Variants in CSMD3 observed in about 807,000 individuals in gnomAD.
CSMD3 encodes the protein CUB and sushi domain-containing protein 3.
Under a neutral mutation model 435.2 loss-of-function variants are expected in CSMD3, and 177 were observed. The observed-to-expected ratio is 0.41, with a 90% confidence interval of 0.36 to 0.46. The LOEUF (loss-of-function observed/expected upper bound fraction) is 0.46. Among genes scored for constraint, CSMD3 ranks in the 20% least tolerant of loss-of-function variants. The pLI is 0.34. For synonymous variants in CSMD3, 1,656 were observed against 1,520.5 expected, an observed-to-expected ratio of 1.09 and a Z score of -2.07; for missense variants, 4,265 against 4,504.6, an observed-to-expected ratio of 0.95 and a Z score of 1.52.
At chr8:113,145,377 A>C (rs1256479130) in intron 4 of CSMD3, among the ~76,000 whole-genome samples, 1 of 151,568 alleles carries the variant, frequency 6.6e-6, no homozygotes, top group Non-Finnish European at 1.5e-5. Flanking sequence ...TGCAAGTGTC[A>C]ATCTAAACAC....
intron 4 of CSMD3, among the ~76,000 whole-genome samples, chr8:113,139,525 C>G (rs552381513): frequency 6.6e-6 from 1 of 150,686 alleles, no homozygotes; most frequent in East Asian, 2.0e-4. Context: ...TGCACATAGC[C>G]GTGATAAATT....
At chr8:113,134,452 T>C (rs1218815311) in intron 4 of CSMD3, among the ~76,000 whole-genome samples, 1 of 152,058 alleles carries the variant, frequency 6.6e-6, no homozygotes, top group Non-Finnish European at 1.5e-5. Context: ...TCACACAGTA[T>C]TCACAATCTT....
At chr8:113,436,413 C>T (rs183576289) in intron 1 of CSMD3, among the ~76,000 whole-genome samples, 2 of 152,304 alleles carry the variant, frequency 1.3e-5, no homozygotes, top group East Asian at 3.9e-4. Context: ...TAGTTAGAGG[C>T]TATACTAACC....
chr8:113,376,811 TG>T, intron 1 of CSMD3: 1 of 1,613,876 alleles, frequency 6.2e-7, no homozygotes, highest in Non-Finnish European at 8.5e-7. Flanking sequence ...CGGGTTGTGC[TG>T]AAGAGGTTGT....
intron 30 of CSMD3, among the ~76,000 whole-genome samples, chr8:112,494,571 C>A (rs13272213): frequency 0.18 from 16,731 of 93,520 alleles, 1,573 homozygotes; most frequent in Non-Finnish European, 0.24. Flanking sequence ...TTCTTTCTTT[C>A]TTTTCTTTCT....
Position 113,022,376 on chromosome 8 carries a change from A to G in CSMD3, c.918-3197T>C, listed in dbSNP as rs1021509789. The stretch of plus-strand genomic sequence containing the variant: ...ACATTTATTCAACAGTTATTTACCA[A>G]ACATTAACTATATGACAAATACCAA... On this transcript the variant is annotated intron_variant, in intron 5 of 70. Transcript: ENST00000297405. Among the ~76,000 whole-genome samples, 7 of 152,224 alleles carry G rather than the reference A, an allele frequency of 4.6e-5. 1 individual carries two copies.
At chr8:112,788,470 C>A (rs1200451163) in intron 13 of CSMD3, among the ~76,000 whole-genome samples, 1 of 152,068 alleles carries the variant, frequency 6.6e-6, no homozygotes, top group Non-Finnish European at 1.5e-5. Flanking sequence ...AGGTCTCATT[C>A]AAAGTTCACC....
intron 63 of CSMD3, among the ~76,000 whole-genome samples, chr8:112,251,598 T>C (rs1815269431): frequency 1.3e-5 from 2 of 151,862 alleles, no homozygotes; most frequent in African/African-American, 4.8e-5. Context: ...TATACTAAGA[T>C]ACTAATTTCA....
chr8:113,089,030 T>A (rs2089910439), intron 5 of CSMD3, among the ~76,000 whole-genome samples: 1 of 152,164 alleles, frequency 6.6e-6, no homozygotes, highest in African/African-American at 2.4e-5. Flanking sequence ...TCTCTTTTTT[T>A]CGTGTTCTTT....
chr8:112,640,986 T>A (rs532822212), intron 20 of CSMD3, among the ~76,000 whole-genome samples: 2 of 152,286 alleles, frequency 1.3e-5, no homozygotes, highest in East Asian at 3.9e-4. Context: ...TAATTAATTA[T>A]CGGTGCCAAC....
chr8:112,489,793 A>T (rs1820506877), intron 31 of CSMD3, among the ~76,000 whole-genome samples: 1 of 152,132 alleles, frequency 6.6e-6, no homozygotes. Flanking sequence ...ACTTATCTTG[A>T]ACTTCTTTTC....
At chr8:112,831,476 A>G (rs1379777334) in intron 11 of CSMD3, among the ~76,000 whole-genome samples, 2 of 152,112 alleles carry the variant, frequency 1.3e-5, no homozygotes, top group African/African-American at 4.8e-5. Flanking sequence ...ATGGTTTTCC[A>G]AAATTGTTTT....
At chr8:113,120,366 T>C (rs1045709404) in intron 4 of CSMD3, among the ~76,000 whole-genome samples, 3 of 152,170 alleles carry the variant, frequency 2.0e-5, no homozygotes, top group East Asian at 1.9e-4. Context: ...ATAAATATTG[T>C]CCTTCAATGA....
chr8:112,804,254 C>T (rs2079027906), intron 12 of CSMD3, among the ~76,000 whole-genome samples: 1 of 151,734 alleles, frequency 6.6e-6, no homozygotes, highest in Non-Finnish European at 1.5e-5. Flanking sequence ...ATTAGGATGG[C>T]AAGGACAGAT....
intron 11 of CSMD3, among the ~76,000 whole-genome samples, chr8:112,830,450 T>C (rs2079836596): frequency 6.6e-6 from 1 of 152,188 alleles, no homozygotes. Context: ...TATCCATATA[T>C]TGTTTATATA....
intron 22 of CSMD3, among the ~76,000 whole-genome samples, chr8:112,605,135 G>A (rs1329681943): frequency 1.3e-5 from 2 of 152,132 alleles, no homozygotes; most frequent in Non-Finnish European, 2.9e-5. Context: ...AATAATGGAT[G>A]CTGGTGATGC....
chr8:112,504,912 T>C (rs1444586460), intron 29 of CSMD3, among the ~76,000 whole-genome samples: 2 of 152,168 alleles, frequency 1.3e-5, no homozygotes, highest in African/African-American at 4.8e-5. Context: ...ATGAAACCAG[T>C]AAAACTTGCC....
At chr8:113,066,310 T>C (rs2088857575) in intron 5 of CSMD3, among the ~76,000 whole-genome samples, 1 of 151,914 alleles carries the variant, frequency 6.6e-6, no homozygotes, top group Non-Finnish European at 1.5e-5. Context: ...TGTTTTTGAA[T>C]ATTAGGTGGA....
intron 13 of CSMD3, among the ~76,000 whole-genome samples, chr8:112,771,618 C>T (rs1180170767): frequency 3.3e-5 from 5 of 151,908 alleles, no homozygotes; most frequent in Admixed American, 3.3e-4. Context: ...TAATTAATTT[C>T]TAATGAGTGC....
Sources: gnomAD v4.1 joint callset for allele counts (sites outside exome capture counted in the v4.1 genomes callset) on GRCh38, gnomAD v4.1.1 for gene constraint, MANE v1.5 for transcripts, NCBI Gene and HGNC (gene_info 2026-07-23, HGNC 2026-07-21) for gene names.